The following KALRN variants were observed in gnomAD, a reference collection of about 807,000 sequenced individuals.
KALRN encodes the protein kalirin RhoGEF kinase, also known as kalirin.
In KALRN, 70 loss-of-function variants were observed where a neutral mutation model predicts 353.7. The ratio of observed to expected loss-of-function variants is 0.20; its 90% CI spans 0.16 to 0.24. The LOEUF is 0.24. Ranked by LOEUF, KALRN falls within the 10% of genes least tolerant of loss-of-function variation. The pLI, the probability that KALRN is intolerant of heterozygous loss-of-function variation, is 1.00. For missense variants in KALRN, 2,791 were observed against 3,756.7 expected (o/e 0.74, Z 6.72); for synonymous variants, 1,391 against 1,434.8 (o/e 0.97, Z 0.69).
intron 10 of KALRN, among the ~76,000 whole-genome samples, chr3:124,382,852 C>T (rs1050065998): frequency 1.3e-5 from 2 of 152,122 alleles, no homozygotes; most frequent in African/African-American, 4.8e-5. Context: ...GACCTACAGC[C>T]GTAGAGGTCT....
intron 1 of KALRN, among the ~76,000 whole-genome samples, chr3:124,137,458 G>C (rs1329083691): frequency 6.6e-6 from 1 of 152,142 alleles, no homozygotes; most frequent in Non-Finnish European, 1.5e-5. Flanking sequence ...ATGAGGGACA[G>C]CTCATTATGG....
chr3:124,248,295 T>G (rs553903837), intron 3 of KALRN, among the ~76,000 whole-genome samples: 2 of 152,350 alleles, frequency 1.3e-5, no homozygotes, highest in East Asian at 3.9e-4. Flanking sequence ...GGATCTCTAT[T>G]TCAGACATGA....
At chr3:124,490,080 G>C (rs1249302505) in intron 29 of KALRN, among the ~76,000 whole-genome samples, 1 of 152,102 alleles carries the variant, frequency 6.6e-6, no homozygotes, top group Non-Finnish European at 1.5e-5. Flanking sequence ...GCAACATAGG[G>C]AGACCTTGTC....
intron 1 of KALRN, among the ~76,000 whole-genome samples, chr3:124,039,774 ATC>A (rs2149071131): frequency 6.6e-6 from 1 of 151,740 alleles, no homozygotes; most frequent in African/African-American, 2.4e-5. Flanking sequence ...AAAGGAAAAC[ATC>A]TCTTTTTTTT....
intron 33 of KALRN, among the ~76,000 whole-genome samples, chr3:124,539,441 C>T (rs2109301621): frequency 6.6e-6 from 1 of 152,220 alleles, no homozygotes; most frequent in Non-Finnish European, 1.5e-5. Flanking sequence ...ATGAGCATGA[C>T]AATAATTATC....
intron 25 of KALRN, among the ~76,000 whole-genome samples, chr3:124,464,659 GC>G: frequency 6.6e-6 from 1 of 152,156 alleles, no homozygotes; most frequent in African/African-American, 2.4e-5. Context: ...CAGAGAAGAT[GC>G]CACAAAAATT....
chr3:124,659,512 C>A, intron 43 of KALRN, 55 bp downstream of exon 43: 1 of 1,236,822 alleles, frequency 8.1e-7, no homozygotes, highest in Non-Finnish European at 1.2e-6. Context: ...AGGCTCAGAG[C>A]AGGTTCTGAG....
intron 33 of KALRN, among the ~76,000 whole-genome samples, chr3:124,541,624 C>A (rs956000215): frequency 6.6e-6 from 1 of 151,464 alleles, no homozygotes; most frequent in Non-Finnish European, 1.5e-5. Context: ...CAGTGGCTTA[C>A]GCCAGTAATC....
chr3:124,544,539 C>T (rs573886678), intron 33 of KALRN, among the ~76,000 whole-genome samples: 3 of 152,086 alleles, frequency 2.0e-5, no homozygotes, highest in South Asian at 2.1e-4. Context: ...CCAGCCTGGG[C>T]GACAGAGCTC....
intron 51 of KALRN, among the ~76,000 whole-genome samples, chr3:124,691,355 G>A (rs532613144): frequency 1.3e-5 from 2 of 152,340 alleles, no homozygotes; most frequent in South Asian, 2.1e-4. Flanking sequence ...TTGAACCGGG[G>A]AGGCGGAATT....
chr3:124,374,811 G>A (rs1004092049), intron 10 of KALRN, among the ~76,000 whole-genome samples: 1 of 152,220 alleles, frequency 6.6e-6, no homozygotes, highest in South Asian at 2.1e-4. Context: ...TCTTTTGAGA[G>A]AGAACATTGC....
At chr3:124,433,613 AAAAG>A (rs75273539) in intron 16 of KALRN, among the ~76,000 whole-genome samples, 3,872 of 150,836 alleles carry the variant, frequency 0.026, 211 homozygotes, top group African/African-American at 0.089. Flanking sequence ...AAAAAAAAAA[AAAAG>A]GAAAGAAAAT....
At chr3:124,133,660 A>G (rs1384102157) in intron 1 of KALRN, among the ~76,000 whole-genome samples, 1 of 152,202 alleles carries the variant, frequency 6.6e-6, no homozygotes, top group African/African-American at 2.4e-5. Context: ...TATCGTTCAC[A>G]TGTTCCTGGA....
chr3:124,348,045 G>T (rs2082454583), intron 10 of KALRN, among the ~76,000 whole-genome samples: 1 of 152,126 alleles, frequency 6.6e-6, no homozygotes, highest in African/African-American at 2.4e-5. Flanking sequence ...CTGCATTGGG[G>T]AGTTTTCCAA....
intron 1 of KALRN, among the ~76,000 whole-genome samples, chr3:124,216,462 TG>T (rs1215438384): frequency 6.6e-6 from 1 of 152,166 alleles, no homozygotes; most frequent in Non-Finnish European, 1.5e-5. Flanking sequence ...CTCAGAAAAA[TG>T]GACACATATG....
At position 124,334,351 on chromosome 3, in the gene KALRN, C is replaced by G; in HGVS notation, c.1503C>G (p.Asn501Lys). 6.2e-7 allele frequency: 1 copy of G among 1,614,264 alleles called. No individual in the cohort carries two copies. Among genetic ancestry groups the G allele is most frequent in the Non-Finnish European group, 8.5e-7 (1 of 1,180,048 alleles). The part of the protein sequence containing the change: ...GNSESLTATA[N>K]YSKAVHQVLD... ...CCGAATCCCTCACGGCCACAGCCAA[C>G]TACTCCAAGGCAGTGCACCAGGTGC... Residue 501 changes from asparagine (N) to lysine (K), a missense_variant, in exon 9 of 60, where the codon AAC (asparagine) becomes AAG (lysine). Around this residue, in one of 11 missense-constraint regions of KALRN, gnomAD observed 366 missense variants for 489.2 expected, o/e 0.75. Transcript: ENST00000682506. The surrounding 1 kb of genome is among the most constrained non-coding windows in gnomAD (Gnocchi z 4.2).
Position 124,614,241 on chromosome 3 carries a change from CTTATTTATTTAT to C in KALRN, c.5183-18145_5183-18134del, listed in dbSNP as rs10666219. ...ATTACCACTTTCTTTTTCTAAAATTCTTATTTATTTATTTATTTATTTATTTATTTATTTATT... is the reference window on the plus strand; with the variant it reads ...ATTACCACTTTCTTTTTCTAAAATTCTTATTTATTTATTTATTTATTTATT... On this transcript the variant is annotated intron_variant, in intron 34 of 59. Coordinates refer to ENST00000682506, the MANE Select transcript of KALRN (RefSeq NM_001388419.1). 5.0e-3 allele frequency among the ~76,000 whole-genome samples: 709 copies of C among 142,936 alleles called. 3 individuals are homozygous for C. Among genetic ancestry groups the C allele is most frequent in the Admixed American group, 7.1e-3 (102 of 14,322 alleles). The allele number at this position is 142,936 out of a possible 152,430, so 93.8% of individuals were successfully genotyped here.
At chr3:124,214,736 C>A (rs2077175802) in intron 1 of KALRN, among the ~76,000 whole-genome samples, 1 of 152,194 alleles carries the variant, frequency 6.6e-6, no homozygotes, top group Non-Finnish European at 1.5e-5. Flanking sequence ...TTTGTATTCA[C>A]CACTTTCCTG....
chr3:124,442,166 C>G (rs1172782055), intron 19 of KALRN, 107 bp downstream of exon 19: 1 of 605,352 alleles, frequency 1.7e-6, no homozygotes, highest in Non-Finnish European at 2.8e-6. Flanking sequence ...GCTGCTTCTC[C>G]TTAGAAATGA....
Sources: allele counts gnomAD v4.1 joint callset (sites outside exome capture counted in the v4.1 genomes callset), GRCh38; gene constraint gnomAD v4.1.1; regional missense constraint gnomAD v4.1.1; non-coding constraint Gnocchi (gnomAD v3.1); transcripts MANE v1.5; gene names NCBI Gene and HGNC (gene_info 2026-07-23, HGNC 2026-07-21).